Variants in SPATC1L observed in about 807,000 individuals in gnomAD.
SPATC1L encodes speriolin-like protein.
Under a neutral mutation model 21.2 loss-of-function variants are expected in SPATC1L, and 20 were observed. That is an observed-to-expected ratio of 0.94 (90% CI 0.66 to 1.37). The LOEUF (loss-of-function observed/expected upper bound fraction) is 1.37, where lower values mean the gene tolerates loss of function less well. Ranked by LOEUF, SPATC1L falls within the 40% of genes most tolerant of loss-of-function variation. The pLI, the probability that SPATC1L is intolerant of heterozygous loss-of-function variation, is 0.00. For missense variants in SPATC1L, 499 were observed against 478.7 expected (o/e 1.04, Z -0.40); for synonymous variants, 290 against 234.5 (o/e 1.24, Z -2.16).
chr21:46,172,832 G>A (rs2079603879), intron 2 of SPATC1L, among the ~76,000 whole-genome samples: 1 of 152,218 alleles, frequency 6.6e-6, no homozygotes, highest in East Asian at 1.9e-4. Context: ...CTGGGCTGAA[G>A]GGGAGAAAGC....
At chr21:46,161,865 C>A in intron 4 of SPATC1L, 51 bp downstream of exon 4, 1 of 1,584,372 alleles carries the variant, frequency 6.3e-7, no homozygotes, top group South Asian at 1.1e-5. Flanking sequence ...CGCACAGGGA[C>A]GGACCGAGCG....
intron 2 of SPATC1L, among the ~76,000 whole-genome samples, chr21:46,181,521 CCTGG>C (rs2079673904): frequency 6.6e-6 from 1 of 152,228 alleles, no homozygotes; most frequent in Non-Finnish European, 1.5e-5. Context: ...GGGCCTGGGG[CCTGG>C]CTGCGGAGAG....
chr21:46,166,744 T>C (rs2079543262), intron 3 of SPATC1L, among the ~76,000 whole-genome samples: 1 of 152,116 alleles, frequency 6.6e-6, no homozygotes, highest in Non-Finnish European at 1.5e-5. Flanking sequence ...TATAAATATA[T>C]ATGCACCCAA....
At chr21:46,164,740 C>G (rs1014295306) in intron 3 of SPATC1L, among the ~76,000 whole-genome samples, 1 of 148,726 alleles carries the variant, frequency 6.7e-6, no homozygotes, top group African/African-American at 2.5e-5. Flanking sequence ...TGCAGTGAGC[C>G]GAGATCGCAC....
rs1251849446 is a variant in SPATC1L, at chr21:46,170,868, A to T, written c.194-2210T>A. ...CTGTGAGCATCCTCTGTGGATGGGG[A>T]GGAGCCTCCCTGCTCTGTGAACATC... On this transcript the variant is annotated intron_variant, in intron 2 of 4. Transcript: ENST00000291672. 4.9e-5 allele frequency among the ~76,000 whole-genome samples: 7 copies of T among 141,550 alleles called. No individual in the cohort carries two copies. The East Asian group carries it at 1.4e-3, about 29-fold the overall frequency. 92.9% of individuals were successfully genotyped at this position (141,550 alleles called of 152,430 possible). A position where few individuals can be genotyped will look rare whatever the true frequency, so the allele number is the denominator to read the frequency against.
Position 46,161,373 on chromosome 21 carries a change from G to T in SPATC1L, c.*6C>A, listed in dbSNP as rs895357709. 6.6e-7 allele frequency: 1 copy of T among 1,507,098 alleles called. No homozygotes were observed. The highest frequency in any genetic ancestry group is 1.3e-5 in the South Asian group (1 of 77,340). The allele number at this position is 1,507,098 out of a possible 1,614,324, so 93.4% of individuals were successfully genotyped here. On this transcript the variant is annotated 3_prime_UTR_variant, in exon 5 of 5. Transcript: ENST00000291672. Reference sequence around the variant, plus strand: ...ACTGCAGGCAAGGCGGCGGGCGCGGGGCGGCTCACCAGGCGAAGAGGGGCT... The same window carrying T: ...ACTGCAGGCAAGGCGGCGGGCGCGGTGCGGCTCACCAGGCGAAGAGGGGCT...
intron 2 of SPATC1L, among the ~76,000 whole-genome samples, chr21:46,179,862 C>T (rs1412661946): frequency 1.3e-5 from 2 of 152,220 alleles, no homozygotes; most frequent in East Asian, 1.9e-4. Context: ...TGGCCCTTCG[C>T]GTCACTCACT....
intron 2 of SPATC1L, among the ~76,000 whole-genome samples, chr21:46,170,845 G>T (rs574118892): frequency 1.4e-5 from 2 of 139,416 alleles, no homozygotes; most frequent in African/African-American, 3.0e-5. Flanking sequence ...TCCCTGCTCT[G>T]TGAGCATCCT....
intron 2 of SPATC1L, among the ~76,000 whole-genome samples, chr21:46,180,156 T>A (rs1032354735): frequency 6.6e-6 from 1 of 152,238 alleles, no homozygotes; most frequent in Admixed American, 6.5e-5. Flanking sequence ...CTGGGAACAG[T>A]GCTGCCTGCC....
intron 2 of SPATC1L, among the ~76,000 whole-genome samples, chr21:46,168,950 C>A (rs2079561695): frequency 6.6e-6 from 1 of 152,206 alleles, no homozygotes; most frequent in Non-Finnish European, 1.5e-5. Flanking sequence ...TGTGCCCACA[C>A]ACACTGGAGA....
intron 2 of SPATC1L, among the ~76,000 whole-genome samples, chr21:46,174,579 A>G (rs779152179): frequency 2.0e-5 from 3 of 152,230 alleles, no homozygotes; most frequent in Non-Finnish European, 2.9e-5. Flanking sequence ...GCATTACACA[A>G]TGGTGAAGGG....
chr21:46,184,138 C>T (rs1210424631), intron 1 of SPATC1L, among the ~76,000 whole-genome samples: 1 of 152,178 alleles, frequency 6.6e-6, no homozygotes, highest in Non-Finnish European at 1.5e-5. Flanking sequence ...CCTCAGACCA[C>T]GAGCGCCCGT....
chr21:46,181,921 G>A (rs1257062185), intron 2 of SPATC1L, among the ~76,000 whole-genome samples: 2 of 152,236 alleles, frequency 1.3e-5, no homozygotes, highest in African/African-American at 4.8e-5. Flanking sequence ...AACGGGTAAT[G>A]TTTTTCCCAA....
At chr21:46,164,793 A>AG (rs1421724594) in intron 3 of SPATC1L, among the ~76,000 whole-genome samples, 118 of 141,604 alleles carry the variant, frequency 8.3e-4, no homozygotes, top group African/African-American at 3.2e-3. Context: ...CTCCATCTCA[A>AG]GAAAAAAAAA....
intron 2 of SPATC1L, among the ~76,000 whole-genome samples, chr21:46,172,772 A>G (rs75222741): frequency 0.05 from 7,665 of 152,272 alleles, 584 homozygotes; most frequent in African/African-American, 0.17. Flanking sequence ...AGCTTCTAAC[A>G]CATCTTCAGA....
chr21:46,172,561 G>C (rs1014565364), intron 2 of SPATC1L, among the ~76,000 whole-genome samples: 4 of 152,246 alleles, frequency 2.6e-5, no homozygotes, highest in Non-Finnish European at 4.4e-5. Context: ...TCCCACAGCT[G>C]GTCAGGAGGA....
intron 2 of SPATC1L, among the ~76,000 whole-genome samples, chr21:46,169,552 C>T (rs1443590842): frequency 2.1e-5 from 3 of 142,336 alleles, no homozygotes; most frequent in Non-Finnish European, 4.6e-5. Context: ...GGAGGAGCCT[C>T]CTGCTCTGTG....
intron 2 of SPATC1L, among the ~76,000 whole-genome samples, chr21:46,172,394 A>T (rs2839136): frequency 0.73 from 110,600 of 152,178 alleles, 41,496 homozygotes; most frequent in East Asian, 1. Flanking sequence ...AGAAGCTGAG[A>T]TACCTCCACT....
chr21:46,161,430 G>A lies in SPATC1L; in HGVS notation c.972C>T (p.Asn324=). The part of the protein sequence containing the change: ...KFLGDSLLLL[N]CLCELSKEDG... Reference sequence around the variant, plus strand: ...CCTCCTTGGAGAGCTCGCACAGGCAGTTGAGCAGCAGCAGCGAGTCGCCCA... The same window carrying A: ...CCTCCTTGGAGAGCTCGCACAGGCAATTGAGCAGCAGCAGCGAGTCGCCCA... The change falls in exon 5 of 5, where the codon AAC becomes AAT. Residue 324 remains asparagine (N), a synonymous_variant. Coordinates refer to ENST00000291672, the MANE Select transcript of SPATC1L (RefSeq NM_001142854.2). The A allele has an allele frequency of 4.4e-6, 7 of 1,573,824 alleles. No individual in the cohort carries two copies. Among genetic ancestry groups the A allele is most frequent in the East Asian group, 2.3e-5 (1 of 44,332 alleles).
Sources: gnomAD v4.1 joint callset for allele counts (sites outside exome capture counted in the v4.1 genomes callset) on GRCh38, gnomAD v4.1.1 for gene constraint, MANE v1.5 for transcripts, NCBI Gene and HGNC (gene_info 2026-07-23, HGNC 2026-07-21) for gene names.